Variants in MCM5 observed in about 807,000 individuals in gnomAD.
MCM5 encodes the protein minichromosome maintenance complex component 5.
A neutral mutation model predicts 79.9 loss-of-function variants in MCM5; 46 were observed. That is an observed-to-expected ratio of 0.58 (90% CI 0.45 to 0.74). The LOEUF is 0.74. Among genes scored for constraint, MCM5 ranks in the 30% least tolerant of loss-of-function variants. The probability of loss-of-function intolerance (pLI) is 0.00; values close to 1 mark genes in which losing one functional copy is unlikely to be tolerated. For missense variants in MCM5, 883 were observed against 1,017.0 expected (o/e 0.87, Z 1.79); for synonymous variants, 404 against 390.5 (o/e 1.03, Z -0.41).
chr22:35,404,029 G>T (rs1932141456), intron 4 of MCM5, among the ~76,000 whole-genome samples: 1 of 152,172 alleles, frequency 6.6e-6, no homozygotes, highest in African/African-American at 2.4e-5. Flanking sequence ...GAGGATCAAG[G>T]GGCCTAGGAA....
At chr22:35,430,809 CTT>C in the MCM5 span, among the ~76,000 whole-genome samples, 1 of 139,254 alleles carries the variant, frequency 7.2e-6, no homozygotes. Flanking sequence ...TGTACCCAGC[CTT>C]TTTTTTTTTT....
intron 15 of MCM5, chr22:35,421,718 C>G: frequency 1.9e-6 from 1 of 531,572 alleles, no homozygotes; most frequent in Non-Finnish European, 3.4e-6. Flanking sequence ...TGATGATAAC[C>G]CTTCTCACTG....
chr22:35,438,501 A>G, the MCM5 span, among the ~76,000 whole-genome samples: 12 of 149,610 alleles, frequency 8.0e-5, no homozygotes, highest in Non-Finnish European at 1.8e-4. Flanking sequence ...CCATCCATCC[A>G]TCCATCCATC....
chr22:35,441,316 A>G, the MCM5 span, among the ~76,000 whole-genome samples: 1 of 152,202 alleles, frequency 6.6e-6, no homozygotes, highest in Non-Finnish European at 1.5e-5. Context: ...GGCTGGGGCC[A>G]GAGGGAGGAG....
intron 9 of MCM5, among the ~76,000 whole-genome samples, chr22:35,415,025 T>C (rs1363804021): frequency 6.6e-6 from 1 of 152,162 alleles, no homozygotes; most frequent in Non-Finnish European, 1.5e-5. Flanking sequence ...GAACTGCACA[T>C]GCGACCCATG....
chr22:35,411,014 T>G, intron 7 of MCM5, 104 bp downstream of exon 7: 1 of 1,036,544 alleles, frequency 9.6e-7, no homozygotes, highest in Non-Finnish European at 1.4e-6. Context: ...CAGGATGTCC[T>G]TGTGTTGCTC....
chr22:35,425,486 G>GC (rs1410544497), downstream of MCM5: 1 of 152,192 alleles, frequency 6.6e-6, no homozygotes, highest in African/African-American at 2.4e-5. Flanking sequence ...GATTCCTGCA[G>GC]CTCAAAGCCC....
At chr22:35,422,245 G>C (rs1042018563) in intron 15 of MCM5, 2 of 153,520 alleles carry the variant, frequency 1.3e-5, no homozygotes, top group African/African-American at 4.8e-5. Flanking sequence ...AAGGCAGTGA[G>C]GGAGATGATG....
chr22:35,429,960 G>A (rs907527877), downstream of MCM5, among the ~76,000 whole-genome samples: 1 of 152,172 alleles, frequency 6.6e-6, no homozygotes, highest in East Asian at 1.9e-4. Context: ...CTCAGTTTCC[G>A]TGTCTGTAAA....
chr22:35,426,432 G>C (rs1932779905), downstream of MCM5, among the ~76,000 whole-genome samples: 1 of 152,136 alleles, frequency 6.6e-6, no homozygotes, highest in Non-Finnish European at 1.5e-5. Context: ...GCAAGGGGGG[G>C]AGCTGGATTC....
chr22:35,418,982 G>A (rs1322788053), intron 13 of MCM5, among the ~76,000 whole-genome samples: 1 of 152,194 alleles, frequency 6.6e-6, no homozygotes, highest in Admixed American at 6.5e-5. Context: ...GTCGTACAGC[G>A]CTTTGGTGAT....
chr22:35,445,120 C>T, the MCM5 span, among the ~76,000 whole-genome samples: 2 of 152,156 alleles, frequency 1.3e-5, no homozygotes, highest in Non-Finnish European at 2.9e-5. Flanking sequence ...CCTGGGGTTG[C>T]TCCCCAGCTC....
Position 35,416,742 on chromosome 22 carries a change from C to A in MCM5, c.1518C>A (p.Phe506Leu), listed in dbSNP as rs746223198. The stretch of plus-strand genomic sequence containing the variant: ...CGAAGGGGGAGGACAACATTGACTT[C>A]ATGCCCACCATCTTGTCGCGCTTCG... ...DETKGEDNID[F>L]MPTILSRFDM... The change falls in exon 12 of 17, where the codon TTC (phenylalanine) becomes TTA (leucine). Residue 506 changes from phenylalanine (F) to leucine (L), a missense_variant. By Grantham distance (22) the Phe-to-Leu change is conservative. Coordinates refer to ENST00000216122, the MANE Select transcript of MCM5 (RefSeq NM_006739.4). 7.4e-6 allele frequency: 12 copies of A among 1,614,180 alleles called. No individual in the cohort carries two copies. The highest frequency in any genetic ancestry group is 9.3e-6 in the Non-Finnish European group (11 of 1,180,042).
At chr22:35,452,975 T>G in the MCM5 span, among the ~76,000 whole-genome samples, 1 of 151,950 alleles carries the variant, frequency 6.6e-6, no homozygotes, top group Non-Finnish European at 1.5e-5. Flanking sequence ...ATGAGGAAAC[T>G]GAGGCTGGGA....
chr22:35,453,108 C>T, the MCM5 span, among the ~76,000 whole-genome samples: 2 of 152,192 alleles, frequency 1.3e-5, no homozygotes, highest in African/African-American at 4.8e-5. Flanking sequence ...GCCACTTCCT[C>T]CCTCCTGGCT....
At chr22:35,420,570 T>C (rs538825637) in intron 14 of MCM5, among the ~76,000 whole-genome samples, 6 of 152,366 alleles carry the variant, frequency 3.9e-5, no homozygotes, top group African/African-American at 1.4e-4. Flanking sequence ...TAGCACTGTC[T>C]GGAGGAAGAT....
Position 35,423,269 on chromosome 22 carries a change from G to A in MCM5, c.2031G>A (p.Lys677=). The A allele has an allele frequency of 6.2e-7, 1 of 1,607,290 alleles. No homozygotes were observed. Among genetic ancestry groups the A allele is most frequent in the African/African-American group, 1.3e-5 (1 of 74,856 alleles). ...EDQEMLSRIE[K]QLKRRFAIGS... ...AGGAGATGCTGAGCCGCATCGAGAA[G>A]CAGCTCAAGCGCCGCTTTGCCATTG... The change falls in exon 16 of 17, where the codon AAG becomes AAA. Residue 677 remains lysine, a synonymous_variant. Transcript: ENST00000216122.
At position 35,412,565 on chromosome 22, in the gene MCM5, G is replaced by T. The variant is rs908448958; in HGVS notation, c.975G>T (p.Leu325=). 6.3e-7 allele frequency: 1 copy of T among 1,583,684 alleles called. No homozygotes were observed. Among genetic ancestry groups the T allele is most frequent in the Non-Finnish European group, 8.6e-7 (1 of 1,163,226 alleles). The change falls in exon 8 of 17, where the codon CTG becomes CTT. Residue 325 remains leucine, a synonymous_variant. Transcript: ENST00000216122. ...SPQEEEEFRR[L]AALPNVYEVI... Reference sequence around the variant, plus strand: ...AGGAGGAGGAGGAGTTCCGTCGCCTGGCTGCCCTCCCAAATGTCTATGAGG... The same window carrying T: ...AGGAGGAGGAGGAGTTCCGTCGCCTTGCTGCCCTCCCAAATGTCTATGAGG...
intron 6 of MCM5, chr22:35,410,524 G>GT (rs774185830): frequency 1.9e-4 from 98 of 528,606 alleles, no homozygotes; most frequent in Non-Finnish European, 3.0e-4. Context: ...GGCTGTCACT[G>GT]TGGGCAACAC....
Sources: allele counts gnomAD v4.1 joint callset (sites outside exome capture counted in the v4.1 genomes callset), GRCh38; gene constraint gnomAD v4.1.1; transcripts MANE v1.5; gene names NCBI Gene and HGNC (gene_info 2026-07-23, HGNC 2026-07-21).